ZNF407: variants seen among roughly 807,000 people sequenced by gnomAD.
ZNF407 encodes zinc finger protein 407.
Under a neutral mutation model 131.2 loss-of-function variants are expected in ZNF407, and 17 were observed. The observed-to-expected ratio is 0.13, with a 90% CI of 0.09 to 0.19. The LOEUF is 0.19. Ranked by LOEUF, ZNF407 falls within the 10% of genes least tolerant of loss-of-function variation. The pLI is 1.00. For missense variants in ZNF407, 2,681 were observed against 2,830.6 expected (o/e 0.95, Z 1.20); for synonymous variants, 1,156 against 1,062.0 (o/e 1.09, Z -1.72).
chr18:74,886,453 GAGA>G (rs1221642745), intron 6 of ZNF407, among the ~76,000 whole-genome samples: 3 of 151,904 alleles, frequency 2.0e-5, no homozygotes, highest in East Asian at 3.9e-4. Flanking sequence ...TGAAGGCTCA[GAGA>G]AGGTTTGTTT....
intron 4 of ZNF407, among the ~76,000 whole-genome samples, chr18:74,853,075 T>C (rs1044102841): frequency 7.9e-5 from 12 of 151,940 alleles, no homozygotes; most frequent in Admixed American, 2.0e-4. Context: ...TCGTTCTGGC[T>C]GAGAAGGTCC....
chr18:74,966,527 C>T (rs1012895019), intron 8 of ZNF407, among the ~76,000 whole-genome samples: 7 of 152,110 alleles, frequency 4.6e-5, no homozygotes, highest in African/African-American at 1.7e-4. Context: ...GTCTGTGTGT[C>T]TGTTTTTATG....
At chr18:74,926,172 C>T (rs968364882) in intron 8 of ZNF407, among the ~76,000 whole-genome samples, 2 of 152,186 alleles carry the variant, frequency 1.3e-5, no homozygotes, top group Non-Finnish European at 2.9e-5. Flanking sequence ...TAGCAGTACC[C>T]TCAATGTCCA....
Position 74,631,675 on chromosome 18 carries a change from A to T in ZNF407, c.656A>T (p.His219Leu). The T allele has an allele frequency of 6.2e-7, 1 of 1,614,000 alleles. No homozygotes were observed. Among genetic ancestry groups the T allele is most frequent in the Non-Finnish European group, 8.5e-7 (1 of 1,179,888 alleles). Reference protein sequence around the residue: ...MQQPKEHTCCHCSHKAESSSA... With the variant: ...MQQPKEHTCCLCSHKAESSSA... Reference sequence around the variant, plus strand: ...CAGCCTAAGGAACATACCTGTTGTCACTGCAGCCACAAAGCAGAGAGCAGC... The same window carrying T: ...CAGCCTAAGGAACATACCTGTTGTCTCTGCAGCCACAAAGCAGAGAGCAGC... Residue 219 changes from histidine (H) to leucine (L), a missense_variant, in exon 2 of 9, where the codon CAC becomes CTC. By Grantham distance (99) the His-to-Leu change is moderately conservative. Coordinates refer to ENST00000299687, the MANE Select transcript of ZNF407 (RefSeq NM_017757.3).
At chr18:74,742,891 C>T (rs1968583038) in intron 3 of ZNF407, among the ~76,000 whole-genome samples, 1 of 152,118 alleles carries the variant, frequency 6.6e-6, no homozygotes, top group Non-Finnish European at 1.5e-5. Context: ...AATGGCTGAA[C>T]TGGTATAATT....
chr18:74,874,522 A>G (rs1336900262), intron 4 of ZNF407, among the ~76,000 whole-genome samples: 1 of 152,042 alleles, frequency 6.6e-6, no homozygotes, highest in Non-Finnish European at 1.5e-5. Flanking sequence ...GAAGAGTCAC[A>G]GCCGGCGAGG....
At chr18:74,824,083 G>A (rs1393362738) in intron 4 of ZNF407, among the ~76,000 whole-genome samples, 7 of 152,140 alleles carry the variant, frequency 4.6e-5, no homozygotes, top group African/African-American at 1.4e-4. Flanking sequence ...CAACTACATG[G>A]AAACTGAACA....
At chr18:74,796,097 T>C (rs1196258908) in intron 4 of ZNF407, among the ~76,000 whole-genome samples, 3 of 152,262 alleles carry the variant, frequency 2.0e-5, no homozygotes, top group African/African-American at 7.2e-5. Flanking sequence ...GTATTTAGTA[T>C]ATTTTTTAAT....
chr18:74,898,445 C>G (rs1971481752), intron 7 of ZNF407: 1 of 152,180 alleles, frequency 6.6e-6, no homozygotes, highest in Admixed American at 6.5e-5. Flanking sequence ...AACAATGTTG[C>G]ACTGTTGCCA....
chr18:74,617,013 A>G (rs1274808880), intron 1 of ZNF407, among the ~76,000 whole-genome samples: 17 of 94,950 alleles, frequency 1.8e-4, no homozygotes, highest in African/African-American at 5.5e-4. Flanking sequence ...CCATATCCAC[A>G]CACCACACAT....
intron 7 of ZNF407, among the ~76,000 whole-genome samples, chr18:74,899,942 G>C (rs558512455): frequency 4.6e-5 from 7 of 152,218 alleles, no homozygotes; most frequent in Non-Finnish European, 1.0e-4. Flanking sequence ...GCGGCTCTGT[G>C]AAAACACTGG....
chr18:74,755,885 CTTTTTTTTTTTTTT>C lies in ZNF407; in HGVS notation c.4803-25530_4803-25517del, dbSNP rs34750560. 7.2e-3 allele frequency among the ~76,000 whole-genome samples: 185 copies of C among 25,830 alleles called. 1 individual carries two copies. Among genetic ancestry groups the C allele is most frequent in the African/African-American group, 0.034 (168 of 4,998 alleles). 16.9% of individuals were successfully genotyped at this position (25,830 alleles called of 152,430 possible). ...CCTTCCTTCCTTCCTCTTTTCCTTC[CTTTTTTTTTTTTTT>C]TTTTTTTTTTTTGAGACTGAGTCTA... On this transcript the variant is annotated intron_variant, in intron 3 of 8. Transcript: ENST00000299687.
At chr18:74,729,846 A>T (rs9959617) in intron 3 of ZNF407, among the ~76,000 whole-genome samples, 1 of 151,968 alleles carries the variant, frequency 6.6e-6, no homozygotes, top group Non-Finnish European at 1.5e-5. Flanking sequence ...GAAAAAAAAG[A>T]CTATTATCTT....
intron 3 of ZNF407, among the ~76,000 whole-genome samples, chr18:74,780,913 A>G (rs1019004649): frequency 2.0e-5 from 3 of 152,166 alleles, no homozygotes; most frequent in Non-Finnish European, 2.9e-5. Context: ...GTACTTCAAT[A>G]TAATTTTTTG....
chr18:74,842,124 T>TA (rs1307269928), intron 4 of ZNF407, among the ~76,000 whole-genome samples: 4 of 152,224 alleles, frequency 2.6e-5, no homozygotes, highest in Non-Finnish European at 4.4e-5. Context: ...AAAGGTTGCC[T>TA]AAGATTTTTT....
chr18:74,869,974 T>G (rs1046395452), intron 4 of ZNF407, among the ~76,000 whole-genome samples: 3 of 152,162 alleles, frequency 2.0e-5, no homozygotes, highest in African/African-American at 4.8e-5. Flanking sequence ...TTGGCCAGAG[T>G]TGATGGTCTC....
chr18:74,716,237 TTG>T (rs1967891455), intron 3 of ZNF407, among the ~76,000 whole-genome samples: 1 of 152,258 alleles, frequency 6.6e-6, no homozygotes. Flanking sequence ...TCAGTTCATA[TTG>T]TTTCAGTTGC....
At chr18:74,628,116 A>G (rs1983884195) in intron 1 of ZNF407, among the ~76,000 whole-genome samples, 1 of 152,032 alleles carries the variant, frequency 6.6e-6, no homozygotes, top group Non-Finnish European at 1.5e-5. Context: ...TATAATTTAT[A>G]TTTTCTGGAA....
At position 74,635,106 on chromosome 18, in the gene ZNF407, A is replaced by G. The variant is rs776401686; in HGVS notation, c.4087A>G (p.Ile1363Val). The change falls in exon 2 of 9, where the codon ATA becomes GTA. Residue 1363 changes from isoleucine (I) to valine (V), a missense_variant. Physicochemically the swap from Ile to Val is conservative, Grantham distance 29. Around this residue, in one of 6 missense-constraint regions of ZNF407, gnomAD observed 1,789 missense variants for 1,748.7 expected, o/e 1.02. Coordinates refer to ENST00000299687, the MANE Select transcript of ZNF407 (RefSeq NM_017757.3). This position sits in a 1 kb window ranked among gnomAD's most constrained non-coding sequence, Gnocchi z 4.7. The stretch of plus-strand genomic sequence containing the variant: ...TCGATTTGACTCCTCCATAATAAGA[A>G]TAAAGAACCCTGAAGATGGTGAGTT... ...FGRFDSSIIR[I>V]KNPEDGELID... 1.9e-6 allele frequency: 3 copies of G among 1,613,950 alleles called. No homozygotes were observed. The highest frequency in any genetic ancestry group is 2.2e-5 in the East Asian group (1 of 44,884).
Sources: allele counts gnomAD v4.1 joint callset (sites outside exome capture counted in the v4.1 genomes callset), GRCh38; gene constraint gnomAD v4.1.1; regional missense constraint gnomAD v4.1.1; non-coding constraint Gnocchi (gnomAD v3.1); transcripts MANE v1.5; gene names NCBI Gene and HGNC (gene_info 2026-07-23, HGNC 2026-07-21).